Variants in SORCS3 observed in about 807,000 individuals in gnomAD.
The protein encoded by SORCS3 is VPS10 domain-containing receptor SorCS3.
In SORCS3, 57 loss-of-function variants were observed where a neutral mutation model predicts 146.3. That is an observed-to-expected ratio of 0.39 (90% CI 0.31 to 0.49). The LOEUF is 0.49. SORCS3 is among the 20% of genes least tolerant of loss of function. SORCS3 has a pLI of 0.92. For synonymous variants in SORCS3, 653 were observed against 618.5 expected (o/e 1.06, Z -0.83); for missense variants, 1,341 against 1,575.5 (o/e 0.85, Z 2.52).
intron 9 of SORCS3, among the ~76,000 whole-genome samples, chr10:105,151,979 T>C (rs1220239262): frequency 6.6e-6 from 1 of 152,168 alleles, no homozygotes; most frequent in Non-Finnish European, 1.5e-5. Context: ...TGTGTGTACT[T>C]ACCATTATTC....
chr10:105,157,078 C>T, intron 9 of SORCS3, 60 bp from the exon 10 acceptor site: 2 of 1,594,528 alleles, frequency 1.3e-6, no homozygotes. Flanking sequence ...CTAAGGGCTT[C>T]TCCAAGACCA....
intron 20 of SORCS3, among the ~76,000 whole-genome samples, chr10:105,224,660 T>C (rs1200377337): frequency 6.6e-6 from 1 of 152,204 alleles, no homozygotes; most frequent in Admixed American, 6.5e-5. Flanking sequence ...AATAAACCAC[T>C]AAACTGTCTT....
intron 7 of SORCS3, among the ~76,000 whole-genome samples, chr10:105,129,852 T>C (rs1457617064): frequency 6.6e-6 from 1 of 152,166 alleles, no homozygotes; most frequent in East Asian, 1.9e-4. Context: ...TGGTTTCCTC[T>C]AGGAATTCAT....
At chr10:105,252,673 A>G in intron 22 of SORCS3, 102 bp from the exon 23 acceptor site, 1 of 1,464,234 alleles carries the variant, frequency 6.8e-7, no homozygotes, top group South Asian at 1.2e-5. Context: ...CTGCATTTGA[A>G]AAACTCACAT....
At chr10:104,868,612 TG>T (rs1418379261) in intron 2 of SORCS3, among the ~76,000 whole-genome samples, 3 of 152,214 alleles carry the variant, frequency 2.0e-5, no homozygotes, top group African/African-American at 7.2e-5. Flanking sequence ...TCTCAGCCAG[TG>T]GCAGGGTGAG....
chr10:105,114,708 A>G (rs1230794276), intron 7 of SORCS3, among the ~76,000 whole-genome samples: 1 of 152,172 alleles, frequency 6.6e-6, no homozygotes, highest in Non-Finnish European at 1.5e-5. Flanking sequence ...CTTTGTAAAG[A>G]TGCCAAGCGG....
At chr10:104,991,777 G>A (rs889590085) in intron 4 of SORCS3, among the ~76,000 whole-genome samples, 2 of 152,140 alleles carry the variant, frequency 1.3e-5, no homozygotes, top group African/African-American at 2.4e-5. Flanking sequence ...GGGATTATAG[G>A]CGTGAGCCAC....
rs746413925 is a variant in SORCS3, at chr10:105,214,601, C to T, written c.2535C>T (p.Ile845=). 3 of 1,588,346 alleles carry T rather than the reference C, an allele frequency of 1.9e-6. No homozygotes were observed. In the South Asian group the frequency reaches 3.5e-5, roughly 18 times the overall value. Residue 845 remains isoleucine (I), a synonymous_variant, in exon 18 of 27, where the codon ATC becomes ATT. Coordinates refer to ENST00000369701, the MANE Select transcript of SORCS3 (RefSeq NM_014978.3). ...AGGGGCACAATGCAACTTTCATCAT[C>T]CTCATGGAGGAGGTAGGTGCTCAAC... ...AEQGHNATFI[I]LMEEGDLQRT... is the part of the protein sequence containing the mutation.
intron 1 of SORCS3, among the ~76,000 whole-genome samples, chr10:104,650,263 T>C (rs142011320): frequency 3.3e-5 from 5 of 152,256 alleles, no homozygotes; most frequent in African/African-American, 4.8e-5. Flanking sequence ...GAGCCCTACA[T>C]AGACACTAGA....
chr10:104,893,715 T>A (rs892854553), intron 2 of SORCS3, among the ~76,000 whole-genome samples: 2 of 152,218 alleles, frequency 1.3e-5, no homozygotes, highest in Non-Finnish European at 2.9e-5. Context: ...GTATCTGCTC[T>A]GCATGTCGCA....
intron 1 of SORCS3, among the ~76,000 whole-genome samples, chr10:104,770,102 A>G (rs2017229612): frequency 1.3e-5 from 2 of 152,130 alleles, no homozygotes; most frequent in Admixed American, 1.3e-4. Context: ...CTGGGCTGCA[A>G]CCTACTCTCA....
At chr10:105,053,651 A>G (rs925702396) in intron 5 of SORCS3, among the ~76,000 whole-genome samples, 5 of 152,048 alleles carry the variant, frequency 3.3e-5, no homozygotes, top group African/African-American at 1.2e-4. Context: ...TGTTGATAAA[A>G]TTTTATATCT....
chr10:105,086,709 T>G (rs1086552), intron 5 of SORCS3, among the ~76,000 whole-genome samples: 1 of 151,980 alleles, frequency 6.6e-6, no homozygotes, highest in Admixed American at 6.6e-5. Flanking sequence ...GCCAGTGACC[T>G]TAGGGAGAGA....
chr10:104,683,813 T>G (rs2016009699), intron 1 of SORCS3, among the ~76,000 whole-genome samples: 1 of 152,174 alleles, frequency 6.6e-6, no homozygotes, highest in African/African-American at 2.4e-5. Flanking sequence ...ACAAACAATT[T>G]GCTTATTCCT....
At chr10:104,647,172 C>T (rs1184429124) in intron 1 of SORCS3, among the ~76,000 whole-genome samples, 1 of 152,118 alleles carries the variant, frequency 6.6e-6, no homozygotes, top group African/African-American at 2.4e-5. Context: ...ATCCAGAGTC[C>T]ATTAGCCTGG....
intron 9 of SORCS3, among the ~76,000 whole-genome samples, chr10:105,150,100 T>A (rs2056158090): frequency 6.6e-6 from 1 of 152,260 alleles, no homozygotes; most frequent in Non-Finnish European, 1.5e-5. Context: ...TATGACTTAG[T>A]TTTTACCTTC....
chr10:105,188,355 C>A (rs1395909772), intron 14 of SORCS3, among the ~76,000 whole-genome samples: 1 of 151,998 alleles, frequency 6.6e-6, no homozygotes, highest in East Asian at 1.9e-4. Context: ...AAAATCATCT[C>A]CCAGATAATG....
intron 5 of SORCS3, among the ~76,000 whole-genome samples, chr10:105,060,344 A>G (rs979100598): frequency 6.6e-6 from 1 of 152,156 alleles, no homozygotes; most frequent in Admixed American, 6.5e-5. Context: ...TTGGAGAGAG[A>G]GAGATTGGCC....
At chr10:104,896,744 G>A (rs2018802694) in intron 2 of SORCS3, among the ~76,000 whole-genome samples, 1 of 152,132 alleles carries the variant, frequency 6.6e-6, no homozygotes, top group African/African-American at 2.4e-5. Flanking sequence ...TAGAAATAAG[G>A]TGAACTCAAA....
Sources: gnomAD v4.1 joint callset for allele counts (sites outside exome capture counted in the v4.1 genomes callset) on GRCh38, gnomAD v4.1.1 for gene constraint, MANE v1.5 for transcripts, NCBI Gene and HGNC (gene_info 2026-07-23, HGNC 2026-07-21) for gene names.